The following C13orf46 variants were observed in gnomAD, a reference collection of about 807,000 sequenced individuals.
C13orf46 encodes uncharacterized protein C13orf46.
At chr13:113,965,593 A>G (rs1453931046) in intron 5 of C13orf46, among the ~76,000 whole-genome samples, 3 of 152,070 alleles carry the variant, frequency 2.0e-5, no homozygotes, top group Non-Finnish European at 4.4e-5. Context: ...AATGGTGGTG[A>G]TGATGACGGT....
chr13:113,936,511 A>G, the C13orf46 span, among the ~76,000 whole-genome samples: 1 of 152,174 alleles, frequency 6.6e-6, no homozygotes, highest in African/African-American at 2.4e-5. Flanking sequence ...TCCTCCCAGC[A>G]CAGCCCGAGG....
chr13:113,934,194 G>A, the C13orf46 span, among the ~76,000 whole-genome samples: 2 of 152,230 alleles, frequency 1.3e-5, no homozygotes, highest in East Asian at 3.9e-4. Context: ...TGCTGAGCAC[G>A]TTGTGTGGTG....
downstream of C13orf46, among the ~76,000 whole-genome samples, chr13:113,950,148 C>T (rs1357769775): frequency 4.3e-4 from 44 of 102,346 alleles, 1 homozygote; most frequent in African/African-American, 1.5e-3. Context: ...AGAATATGGT[C>T]ATCACCCCCA....
the C13orf46 span, chr13:113,928,102 T>G: frequency 0.094 from 14,340 of 153,124 alleles, 939 homozygotes; most frequent in Non-Finnish European, 0.14. Context: ...CTGTTTATCC[T>G]TTTAAGTGAC....
At chr13:113,945,212 G>C in the C13orf46 span, among the ~76,000 whole-genome samples, 3 of 152,122 alleles carry the variant, frequency 2.0e-5, no homozygotes, top group Non-Finnish European at 4.4e-5. Flanking sequence ...CATCTTCCCG[G>C]GAACAGCAGG....
the C13orf46 span, among the ~76,000 whole-genome samples, chr13:113,933,266 G>C: frequency 1.3e-5 from 2 of 152,150 alleles, no homozygotes; most frequent in African/African-American, 4.8e-5. Context: ...CATTCCTTGT[G>C]GAAAAGGTTA....
At chr13:113,958,634 G>A (rs1301565339) in intron 6 of C13orf46, among the ~76,000 whole-genome samples, 1 of 152,246 alleles carries the variant, frequency 6.6e-6, no homozygotes, top group African/African-American at 2.4e-5. Flanking sequence ...CACGGCGTGG[G>A]GCAATGGACA....
the C13orf46 span, among the ~76,000 whole-genome samples, chr13:113,943,329 C>T: frequency 4.0e-3 from 606 of 152,188 alleles, 3 homozygotes; most frequent in Non-Finnish European, 4.8e-3. Context: ...TATGCTGGTT[C>T]GGCTCAGAAA....
At chr13:113,949,975 G>A (rs1231784106), downstream of C13orf46, among the ~76,000 whole-genome samples, 6 of 147,814 alleles carry the variant, frequency 4.1e-5, no homozygotes, top group Admixed American at 6.7e-5. Flanking sequence ...GGGGACCTCA[G>A]TGCTTCCATC....
the C13orf46 span, among the ~76,000 whole-genome samples, chr13:113,942,714 C>T: frequency 2.0e-4 from 31 of 152,304 alleles, no homozygotes; most frequent in African/African-American, 6.3e-4. Context: ...ATGAGGGAGA[C>T]GGCAGGGCGC....
intron 5 of C13orf46, among the ~76,000 whole-genome samples, chr13:113,965,321 G>A (rs1354651036): frequency 1.1e-4 from 17 of 152,222 alleles, no homozygotes; most frequent in African/African-American, 4.1e-4. Context: ...CTGTGGCTCT[G>A]AGGGCAAAAG....
the C13orf46 span, among the ~76,000 whole-genome samples, chr13:113,930,339 A>G: frequency 1.3e-5 from 2 of 148,760 alleles, no homozygotes; most frequent in Admixed American, 6.7e-5. Flanking sequence ...CCGGGGTGGG[A>G]GTGGAGGAGC....
downstream of C13orf46, among the ~76,000 whole-genome samples, chr13:113,951,360 C>T (rs963543506): frequency 3.3e-5 from 5 of 152,182 alleles, no homozygotes; most frequent in South Asian, 1.0e-3. Flanking sequence ...CGGGCTGGAG[C>T]CGGGCGGGGC....
chr13:113,965,583 AATGGTGGTGATGATGACGGTGACT>A (rs1382712594), intron 5 of C13orf46, among the ~76,000 whole-genome samples: 1 of 149,838 alleles, frequency 6.7e-6, no homozygotes, highest in Non-Finnish European at 1.5e-5. Context: ...TGATGATTAT[AATGGTGGTGATGATGACGGTGACT>A]ATACTGGTGA....
chr13:113,948,903 A>C (rs1471730315), downstream of C13orf46, among the ~76,000 whole-genome samples: 3 of 152,230 alleles, frequency 2.0e-5, no homozygotes, highest in Non-Finnish European at 4.4e-5. Flanking sequence ...GTCTGATTTC[A>C]TAACAACTCT....
chr13:113,960,199 T>A (rs900183571), intron 6 of C13orf46, among the ~76,000 whole-genome samples: 3 of 151,938 alleles, frequency 2.0e-5, no homozygotes, highest in African/African-American at 7.3e-5. Flanking sequence ...GAGCTTGCAG[T>A]GAGCTGAGAT....
chr13:113,965,150 G>A (rs2052623708), intron 5 of C13orf46, among the ~76,000 whole-genome samples, 156 bp from the exon 6 acceptor site: 1 of 152,194 alleles, frequency 6.6e-6, no homozygotes. Context: ...CCAGTTAGGG[G>A]AACCTGACCA....
At chr13:113,952,918 C>A (rs1223471834), downstream of C13orf46, among the ~76,000 whole-genome samples, 1 of 152,240 alleles carries the variant, frequency 6.6e-6, no homozygotes, top group East Asian at 1.9e-4. Context: ...GCCTCAGCAG[C>A]ATCAACCACG....
intron 6 of C13orf46, among the ~76,000 whole-genome samples, chr13:113,958,556 A>G (rs897313594): frequency 6.6e-6 from 1 of 152,068 alleles, no homozygotes; most frequent in African/African-American, 2.4e-5. Context: ...ATGCCCTCGC[A>G]CTCAAACCTT....
Sources: gnomAD v4.1 joint callset for allele counts (sites outside exome capture counted in the v4.1 genomes callset) on GRCh38, gnomAD v4.1.1 for gene constraint, MANE v1.5 for transcripts, NCBI Gene and HGNC (gene_info 2026-07-23, HGNC 2026-07-21) for gene names.